PAPPA2: variants seen among roughly 807,000 people sequenced by gnomAD.
The protein encoded by PAPPA2 is pappalysin-2.
In PAPPA2, 86 loss-of-function variants were observed where a neutral mutation model predicts 176.4. The ratio of observed to expected loss-of-function variants is 0.49; its 90% CI spans 0.41 to 0.58. The LOEUF (loss-of-function observed/expected upper bound fraction) is 0.58. Ranked by LOEUF, PAPPA2 falls within the 20% of genes least tolerant of loss-of-function variation. PAPPA2 has a pLI of 0.00. For missense variants in PAPPA2, 2,073 were observed against 2,256.9 expected (o/e 0.92, Z 1.65); for synonymous variants, 809 against 852.2 (o/e 0.95, Z 0.88).
chr1:176,752,100 T>G (rs567222298), intron 14 of PAPPA2, among the ~76,000 whole-genome samples: 1 of 124,412 alleles, frequency 8.0e-6, no homozygotes, highest in African/African-American at 3.2e-5. Context: ...GAACAAAAAA[T>G]CAAACACCGC....
At chr1:176,634,047 G>A in intron 3 of PAPPA2, among the ~76,000 whole-genome samples, 1 of 152,110 alleles carries the variant, frequency 6.6e-6, no homozygotes, top group East Asian at 1.9e-4. Context: ...ATTCCTCGGG[G>A]ATCTAGAACT....
chr1:176,520,699 G>A (rs1649168775), intron 1 of PAPPA2, among the ~76,000 whole-genome samples: 1 of 152,224 alleles, frequency 6.6e-6, no homozygotes, highest in Non-Finnish European at 1.5e-5. Context: ...GTGAGTGACT[G>A]AAAAGCAAGG....
chr1:176,695,652 C>G (rs1174575087), intron 6 of PAPPA2, 86 bp from the exon 7 acceptor site: 1 of 1,478,686 alleles, frequency 6.8e-7, no homozygotes, highest in African/African-American at 1.4e-5. Flanking sequence ...CCTGCCCTCC[C>G]CACACAAAGG....
intron 1 of PAPPA2, among the ~76,000 whole-genome samples, chr1:176,519,826 A>G (rs1018872099): frequency 2.0e-5 from 3 of 152,168 alleles, no homozygotes; most frequent in Non-Finnish European, 4.4e-5. Flanking sequence ...AGTGAAGTTG[A>G]AAGTTGGTAG....
At chr1:176,806,064 AC>A (rs1665895181) in intron 21 of PAPPA2, among the ~76,000 whole-genome samples, 1 of 151,536 alleles carries the variant, frequency 6.6e-6, no homozygotes, top group African/African-American at 2.4e-5. Context: ...TTTTTATTAT[AC>A]ACTGCAAGTA....
chr1:176,756,599 A>G (rs999797291), intron 14 of PAPPA2, among the ~76,000 whole-genome samples: 1 of 152,210 alleles, frequency 6.6e-6, no homozygotes, highest in Non-Finnish European at 1.5e-5. Flanking sequence ...TGTTAAAATC[A>G]TGGGTTCTGA....
intron 1 of PAPPA2, among the ~76,000 whole-genome samples, chr1:176,475,004 A>C (rs1475516880): frequency 6.6e-6 from 1 of 152,226 alleles, no homozygotes; most frequent in Non-Finnish European, 1.5e-5. Context: ...ATAGAATAAA[A>C]TACAATCAAA....
chr1:176,584,366 G>T (rs966422720), intron 2 of PAPPA2, among the ~76,000 whole-genome samples: 4 of 151,592 alleles, frequency 2.6e-5, no homozygotes, highest in African/African-American at 7.3e-5. Context: ...TCCTCTTGCC[G>T]AATTGATCCT....
chr1:176,747,560 A>C (rs1007329828), intron 14 of PAPPA2, among the ~76,000 whole-genome samples: 2 of 152,230 alleles, frequency 1.3e-5, no homozygotes, highest in African/African-American at 4.8e-5. Flanking sequence ...CTGAGGAAAC[A>C]TATTCTACTC....
chr1:176,566,998 A>C (rs553414162), intron 2 of PAPPA2, among the ~76,000 whole-genome samples: 1 of 152,356 alleles, frequency 6.6e-6, no homozygotes, highest in East Asian at 1.9e-4. Flanking sequence ...GCTCTTGAGT[A>C]CATGGAATTA....
At chr1:176,820,155 C>A (rs1033179781) in intron 21 of PAPPA2, among the ~76,000 whole-genome samples, 1 of 152,000 alleles carries the variant, frequency 6.6e-6, no homozygotes, top group African/African-American at 2.4e-5. Flanking sequence ...CAAAAAAAAA[C>A]AACACGCACC....
chr1:176,649,806 T>G (rs1387988710), intron 3 of PAPPA2, among the ~76,000 whole-genome samples: 3 of 151,618 alleles, frequency 2.0e-5, no homozygotes, highest in Non-Finnish European at 4.4e-5. Flanking sequence ...TGATACTTGT[T>G]TCATGTCCTA....
intron 1 of PAPPA2, among the ~76,000 whole-genome samples, chr1:176,484,926 TG>T (rs2102484957): frequency 6.6e-6 from 1 of 152,358 alleles, no homozygotes; most frequent in South Asian, 2.1e-4. Context: ...CCAGTTTCTA[TG>T]GCGGTTTCTG....
rs1197104789 is a variant in PAPPA2 at position 176,739,738 on chromosome 1, T to C, written c.3911T>C (p.Val1304Ala). 1 of 1,613,698 alleles carries C rather than the reference T, an allele frequency of 6.2e-7. No homozygotes were observed. The change falls in exon 13 of 23, where the codon GTC becomes GCC. Residue 1304 changes from valine (V) to alanine (A), a missense_variant. Coordinates refer to ENST00000367662, the MANE Select transcript of PAPPA2 (RefSeq NM_020318.3). ...QPTVTLYLTD[V>A]RGSNHSLGTY... The stretch of plus-strand genomic sequence containing the variant: ...ACAGTGACTCTCTACCTGACCGATG[T>C]CCGTGGAAGCAACCACTCTCTTGGT...
chr1:176,778,243 A>G (rs1377056416), intron 17 of PAPPA2, among the ~76,000 whole-genome samples: 1 of 152,202 alleles, frequency 6.6e-6, no homozygotes, highest in Non-Finnish European at 1.5e-5. Flanking sequence ...TCTGCTTTAT[A>G]TCATCCTGCT....
chr1:176,614,989 C>G (rs1432870016), intron 3 of PAPPA2, among the ~76,000 whole-genome samples: 2 of 152,000 alleles, frequency 1.3e-5, no homozygotes, highest in African/African-American at 2.4e-5. Context: ...ATCACACTTT[C>G]AAACAAAAAT....
chr1:176,483,873 T>G (rs1052454707), intron 1 of PAPPA2, among the ~76,000 whole-genome samples: 1 of 152,134 alleles, frequency 6.6e-6, no homozygotes, highest in Non-Finnish European at 1.5e-5. Context: ...TCGTCCACAA[T>G]GGCTCCTGAG....
chr1:176,650,178 T>C (rs972240842), intron 3 of PAPPA2, among the ~76,000 whole-genome samples: 12 of 151,608 alleles, frequency 7.9e-5, no homozygotes, highest in Middle Eastern at 3.4e-3. Flanking sequence ...CAGTCTTTGA[T>C]TTGTAGTATA....
At chr1:176,743,144 C>A (rs1331322811) in intron 14 of PAPPA2, among the ~76,000 whole-genome samples, 2 of 152,258 alleles carry the variant, frequency 1.3e-5, no homozygotes, top group South Asian at 2.1e-4. Context: ...CAGCCAGAAT[C>A]TGTGAGGATT....
Sources: gnomAD v4.1 joint callset for allele counts (sites outside exome capture counted in the v4.1 genomes callset) on GRCh38, gnomAD v4.1.1 for gene constraint, MANE v1.5 for transcripts, NCBI Gene and HGNC (gene_info 2026-07-23, HGNC 2026-07-21) for gene names.